The following CCT4 variants were observed in gnomAD, a reference collection of about 807,000 sequenced individuals.
CCT4 encodes T-complex protein 1 subunit delta.
CCT4 carries 17 observed loss-of-function variants against 62.5 expected under a neutral mutation model. The observed-to-expected ratio is 0.27, with a 90% CI of 0.19 to 0.41. The LOEUF is 0.41. Ranked by LOEUF, CCT4 falls within the 10% of genes least tolerant of loss-of-function variation. The pLI is 1.00. For synonymous variants in CCT4, 250 were observed against 229.9 expected, an observed-to-expected ratio of 1.09 and a Z score of -0.79; for missense variants, 592 against 659.2, an observed-to-expected ratio of 0.90 and a Z score of 1.12.
At chr2:61,879,569 C>T (rs1669070530) in intron 4 of CCT4, among the ~76,000 whole-genome samples, 1 of 151,314 alleles carries the variant, frequency 6.6e-6, no homozygotes, top group Non-Finnish European at 1.5e-5. Flanking sequence ...TGAGTCACCG[C>T]ACCTGGCCGA....
At position 61,872,505 on chromosome 2, in the gene CCT4, G is replaced by A. The variant is rs752542838; in HGVS notation, c.1209C>T (p.Arg403=). ...SNKLVIEEAE[R]SIHDALCVIR... ...TAACACATAGGGCATCATGAATGGA[G>A]CGCTCAGCTTCTTCAATCACCAGTT... The change falls in exon 11 of 14, where the codon CGC becomes CGT. Residue 403 remains arginine, a synonymous_variant. Coordinates refer to ENST00000394440, the MANE Select transcript of CCT4 (RefSeq NM_006430.4). 3.1e-6 allele frequency: 5 copies of A among 1,613,960 alleles called. No individual in the cohort carries two copies. The highest frequency in any genetic ancestry group is 3.4e-6 in the Non-Finnish European group (4 of 1,179,814).
chr2:61,879,642 A>C (rs532358205), intron 4 of CCT4, among the ~76,000 whole-genome samples: 6 of 152,210 alleles, frequency 3.9e-5, no homozygotes, highest in African/African-American at 1.2e-4. Flanking sequence ...AGTCACTACT[A>C]TAATTAAATA....
chr2:61,872,072 A>C lies in CCT4; in HGVS notation c.1491+10T>G. On this transcript the variant is annotated intron_variant, in intron 12 of 13. Coordinates refer to ENST00000394440, the MANE Select transcript of CCT4 (RefSeq NM_006430.4). ...ATCAATATTTTCTACATTAGAGATT[A>C]AATGATTACCTTTCGGACATTAATG... The C allele has an allele frequency of 1.3e-6, 2 of 1,552,816 alleles. No individual in the cohort carries two copies. Among genetic ancestry groups the C allele is most frequent in the Non-Finnish European group, 1.8e-6 (2 of 1,126,212 alleles).
intron 1 of CCT4, among the ~76,000 whole-genome samples, chr2:61,886,542 G>A (rs868451922): frequency 2.6e-5 from 4 of 152,184 alleles, no homozygotes; most frequent in Non-Finnish European, 5.9e-5. Flanking sequence ...TGTAATCCCA[G>A]CGCTTTGCGA....
Position 61,872,536 on chromosome 2 carries a change from G to C in CCT4, c.1178C>G (p.Ser393Cys). The change falls in exon 11 of 14, where the codon TCT (serine) becomes TGT (cysteine). Residue 393 changes from serine (S) to cysteine (C), a missense_variant. Ser to Cys is a moderately radical substitution (Grantham distance 112). Around this residue, in one of 3 missense-constraint regions of CCT4, gnomAD observed 522 missense variants for 571.2 expected, o/e 0.91. Coordinates refer to ENST00000394440, the MANE Select transcript of CCT4 (RefSeq NM_006430.4). ...GKTVTIVVRG[S>C]NKLVIEEAER... ...AGCTTCTTCAATCACCAGTTTGTTA[G>C]AACCACGAACAACAATTGTAACTGT... 4 of 1,613,894 alleles carry C rather than the reference G, an allele frequency of 2.5e-6. No individual in the cohort carries two copies. The highest frequency in any genetic ancestry group is 3.4e-6 in the Non-Finnish European group (4 of 1,179,764).
chr2:61,869,126 A>G (rs1413924280), intron 13 of CCT4, among the ~76,000 whole-genome samples: 1 of 146,120 alleles, frequency 6.8e-6, no homozygotes, highest in Non-Finnish European at 1.5e-5. Context: ...TGGGCAACAG[A>G]GCAAGACTTC....
At chr2:61,880,831 G>T (rs924712915) in intron 3 of CCT4, among the ~76,000 whole-genome samples, 2 of 151,826 alleles carry the variant, frequency 1.3e-5, no homozygotes, top group Non-Finnish European at 2.9e-5. Context: ...TCAGTCTCCC[G>T]AGTAGCTGGG....
rs1275796588 is a variant in CCT4 at position 61,878,397 on chromosome 2, T to C, written c.522+472A>G. On this transcript the variant is annotated intron_variant, in intron 5 of 13. Transcript: ENST00000394440. Reference sequence around the variant, plus strand: ...AAATCTCAGCTGTTTCTGTTAGCGGTCCTTGGATAAGTTACTCCTCTAGAT... The same window carrying C: ...AAATCTCAGCTGTTTCTGTTAGCGGCCCTTGGATAAGTTACTCCTCTAGAT... Among the ~76,000 whole-genome samples the C allele has an allele frequency of 1.3e-5, 2 of 152,166 alleles. 1 individual carries two copies. Among genetic ancestry groups the C allele is most frequent in the Non-Finnish European group, 2.9e-5 (2 of 68,026 alleles).
intron 7 of CCT4, 147 bp from the exon 8 acceptor site, chr2:61,876,381 T>A (rs1469881944): frequency 3.8e-6 from 2 of 528,264 alleles, no homozygotes; most frequent in Middle Eastern, 5.2e-4. Context: ...GAAAAGAGTC[T>A]GGATTAAGAT....
chr2:61,873,332 A>T (rs757762953), intron 8 of CCT4, 39 bp from the exon 9 acceptor site: 7 of 1,149,454 alleles, frequency 6.1e-6, no homozygotes, highest in African/African-American at 4.7e-5. Context: ...ATGCTAGATT[A>T]AAAAAATTTT....
At position 61,876,125 on chromosome 2, in the gene CCT4, T is replaced by G. The variant is rs372157926; in HGVS notation, c.887A>C (p.Asn296Thr). ...AATAGATTTCTGTATGAGAAGGACA[T>G]TACATCCTGTTTTTTTAATTTGCTT... ...LVKQIKKTGC[N>T]VLLIQKSILR... The change falls in exon 8 of 14, where the codon AAT (asparagine) becomes ACT (threonine). Residue 296 changes from asparagine to threonine, a missense_variant. This residue lies in a region of CCT4 where 522 missense variants were observed against 571.2 expected (regional missense o/e 0.91). Coordinates refer to ENST00000394440, the MANE Select transcript of CCT4 (RefSeq NM_006430.4). 71 of 1,605,066 alleles carry G rather than the reference T, an allele frequency of 4.4e-5. No individual in the cohort carries two copies. The highest frequency in any genetic ancestry group is 5.7e-5 in the Non-Finnish European group (67 of 1,172,258).
In CCT4 at chr2:61,880,426, TGA is replaced by T. The variant is rs1669088155; in HGVS notation, c.271-34_271-33del. The T allele has an allele frequency of 1.2e-5, 15 of 1,270,100 alleles. No homozygotes were observed. The East Asian group carries it at 3.5e-4, about 30-fold the overall frequency. 78.7% of individuals were successfully genotyped at this position (1,270,100 alleles called of 1,614,324 possible). The stretch of plus-strand genomic sequence containing the variant: ...GAACAGAAAATGCCAAGTTGCTCAA[TGA>T]GAAATGACAGAACCCAGTAACACCT... On this transcript the variant is annotated intron_variant, in intron 3 of 13. Transcript: ENST00000394440.
intron 3 of CCT4, among the ~76,000 whole-genome samples, chr2:61,883,065 G>A (rs1669152996): frequency 6.6e-6 from 1 of 152,068 alleles, no homozygotes; most frequent in South Asian, 2.1e-4. Flanking sequence ...AGTGTTCATC[G>A]TGCTTAAATA....
chr2:61,870,906 G>A (rs1222891324), intron 12 of CCT4, among the ~76,000 whole-genome samples: 1 of 151,350 alleles, frequency 6.6e-6, no homozygotes, highest in Non-Finnish European at 1.5e-5. Context: ...AACAGAGCAA[G>A]ATTCCGTCTC....
chr2:61,886,593 A>AT (rs1669256217), intron 1 of CCT4, among the ~76,000 whole-genome samples: 1 of 152,202 alleles, frequency 6.6e-6, no homozygotes, highest in African/African-American at 2.4e-5. Context: ...AGTTTAAGAC[A>AT]TAACGGGTCA....
At position 61,880,388 on chromosome 2, in the gene CCT4, C is replaced by G. The variant is rs2105136121; in HGVS notation, c.277G>C (p.Glu93Gln). 1 of 1,592,548 alleles carries G rather than the reference C, an allele frequency of 6.3e-7. No homozygotes were observed. Among genetic ancestry groups the G allele is most frequent in the East Asian group, 2.2e-5 (1 of 44,458 alleles). ...VLHPAARMLVELSKAQDIEAG... is the reference protein window; with the variant it reads ...VLHPAARMLVQLSKAQDIEAG... ...TCTATATCTTGAGCCTTAGACAGCT[C>G]CACCAGCTAAGTGAACAGAAAATGC... is the stretch of plus-strand genomic sequence containing the variant. Residue 93 changes from glutamate to glutamine, a missense_variant, in exon 4 of 14, where the codon GAG becomes CAG. Physicochemically the swap from Glu to Gln is conservative, Grantham distance 29. Transcript: ENST00000394440.
chr2:61,883,393 G>C (rs1292761334), intron 3 of CCT4, 66 bp downstream of exon 3: 5 of 809,150 alleles, frequency 6.2e-6, no homozygotes, highest in Admixed American at 5.6e-5. Context: ...CTCTAGCCTG[G>C]ATGACAGAGC....
At chr2:61,876,365 T>C (rs1004633201) in intron 7 of CCT4, 131 bp from the exon 8 acceptor site, 7 of 585,572 alleles carry the variant, frequency 1.2e-5, no homozygotes, top group African/African-American at 3.8e-5. Context: ...TATATAGACA[T>C]GCATAGAAAA....
At chr2:61,888,244 C>G in intron 1 of CCT4, 137 bp downstream of exon 1, 1 of 1,051,280 alleles carries the variant, frequency 9.5e-7, no homozygotes, top group Non-Finnish European at 1.3e-6. Flanking sequence ...AAGGATCCCT[C>G]CACTGGGCTG....
Sources: allele counts gnomAD v4.1 joint callset (sites outside exome capture counted in the v4.1 genomes callset), GRCh38; gene constraint gnomAD v4.1.1; regional missense constraint gnomAD v4.1.1; transcripts MANE v1.5; gene names NCBI Gene and HGNC (gene_info 2026-07-23, HGNC 2026-07-21).